Variants in PIK3C2A observed in about 807,000 individuals in gnomAD.
The protein encoded by PIK3C2A is phosphatidylinositol-4-phosphate 3-kinase catalytic subunit type 2 alpha.
In PIK3C2A, 97 loss-of-function variants were observed where a neutral mutation model predicts 204.5. The ratio of observed to expected loss-of-function variants is 0.47; its 90% CI spans 0.40 to 0.56. The LOEUF (loss-of-function observed/expected upper bound fraction) is 0.56, where lower values mean the gene tolerates loss of function less well. Ranked by LOEUF, PIK3C2A falls within the 20% of genes least tolerant of loss-of-function variation. PIK3C2A has a pLI of 0.00. For synonymous variants in PIK3C2A, 653 were observed against 664.4 expected, an observed-to-expected ratio of 0.98 and a Z score of 0.26; for missense variants, 1,735 against 1,969.2, an observed-to-expected ratio of 0.88 and a Z score of 2.25.
intron 22 of PIK3C2A, among the ~76,000 whole-genome samples, chr11:17,106,189 A>G (rs1352769518): frequency 6.6e-6 from 1 of 151,802 alleles, no homozygotes; most frequent in Non-Finnish European, 1.5e-5. Flanking sequence ...AGGTGGGTGG[A>G]TCACTTGAGC....
chr11:17,110,422 A>C lies in PIK3C2A; in HGVS notation c.3544+10T>G, dbSNP rs765348278. On this transcript the variant is annotated intron_variant, in intron 22 of 32. Transcript: ENST00000691414. ...AAAATAAGACATCAAGACACAGCTA[A>C]TAAACTTACCTCGATCTCTGCCAGT... 1 of 1,606,004 alleles carries C rather than the reference A, an allele frequency of 6.2e-7. No homozygotes were observed. The highest frequency in any genetic ancestry group is 1.3e-5 in the African/African-American group (1 of 74,704).
intron 1 of PIK3C2A, among the ~76,000 whole-genome samples, chr11:17,174,203 G>A (rs911313415): frequency 4.6e-5 from 7 of 152,142 alleles, no homozygotes; most frequent in Non-Finnish European, 1.0e-4. Flanking sequence ...ACAAGAGTAT[G>A]GATATATGGT....
chr11:17,145,264 T>G lies in PIK3C2A; in HGVS notation c.1704+404A>C, dbSNP rs905664069. ...CACAATGATGTGGTTTGGCTCTATG[T>G]CCCCCCCAAATCTCACCTTGAAATG... On this transcript the variant is annotated intron_variant, in intron 8 of 32. Coordinates refer to ENST00000691414, the MANE Select transcript of PIK3C2A (RefSeq NM_002645.4). 1.1e-4 allele frequency among the ~76,000 whole-genome samples: 16 copies of G among 152,002 alleles called. No individual in the cohort carries two copies. The East Asian group carries it at 3.1e-3, about 29-fold the overall frequency.
chr11:17,197,298 G>A (rs886173754), intron 1 of PIK3C2A, among the ~76,000 whole-genome samples: 2 of 152,086 alleles, frequency 1.3e-5, no homozygotes, highest in South Asian at 2.1e-4. Context: ...GGGACTACAG[G>A]CATGAGCCAC....
At position 17,105,219 on chromosome 11, in the gene PIK3C2A, G is replaced by T. The variant is rs1283010590; in HGVS notation, c.3631C>A (p.Leu1211Ile). ...TTGTATTTCCTTAGCCACTCTGCAA[G>T]TGGTTTATCTTTAAAGGATCCTGTC... ...GVTGSFKDKPLAEWLRKYNPS... is the reference protein window; with the variant it reads ...GVTGSFKDKPIAEWLRKYNPS... Residue 1211 changes from leucine (L) to isoleucine (I), a missense_variant, in exon 23 of 33, where the codon CTT (leucine) becomes ATT (isoleucine). Leu to Ile is a conservative substitution (Grantham distance 5). This residue lies in a region of PIK3C2A where 503 missense variants were observed against 669.0 expected (regional missense o/e 0.75). Coordinates refer to ENST00000691414, the MANE Select transcript of PIK3C2A (RefSeq NM_002645.4). 6.2e-7 allele frequency: 1 copy of T among 1,611,396 alleles called. No individual in the cohort carries two copies. The highest frequency in any genetic ancestry group is 8.5e-7 in the Non-Finnish European group (1 of 1,177,706).
At chr11:17,207,281 T>C (rs1852614228) in intron 1 of PIK3C2A, among the ~76,000 whole-genome samples, 1 of 152,128 alleles carries the variant, frequency 6.6e-6, no homozygotes, top group African/African-American at 2.4e-5. Flanking sequence ...GAAAGAATAG[T>C]GTTCCCAAAG....
At chr11:17,125,225 A>G (rs1191427371) in intron 13 of PIK3C2A, among the ~76,000 whole-genome samples, 2 of 152,216 alleles carry the variant, frequency 1.3e-5, no homozygotes, top group Non-Finnish European at 1.5e-5. Context: ...TGCTTACATC[A>G]ATGGTTCTCA....
chr11:17,092,138 C>G (rs1848329242), intron 29 of PIK3C2A, 21 bp downstream of exon 29: 1 of 1,483,296 alleles, frequency 6.7e-7, no homozygotes, highest in Non-Finnish European at 9.4e-7. Flanking sequence ...GATGTTATTA[C>G]TTCTCATTTA....
intron 27 of PIK3C2A, among the ~76,000 whole-genome samples, chr11:17,096,142 G>A (rs1047592213): frequency 1.3e-5 from 2 of 151,570 alleles, no homozygotes; most frequent in Non-Finnish European, 2.9e-5. Context: ...GGGTTCAAGC[G>A]ATTCTCCTGC....
intron 8 of PIK3C2A, among the ~76,000 whole-genome samples, chr11:17,142,804 A>G (rs900803974): frequency 6.6e-6 from 1 of 152,194 alleles, no homozygotes; most frequent in Non-Finnish European, 1.5e-5. Context: ...GACCTTAATA[A>G]GTACAGTTTC....
At position 17,145,879 on chromosome 11, in the gene PIK3C2A, T is replaced by C; in HGVS notation, c.1624A>G (p.Lys542Glu). The change falls in exon 7 of 33, where the codon AAA becomes GAA. Residue 542 changes from lysine (K) to glutamate (E), a missense_variant. By Grantham distance (56) the Lys-to-Glu change is moderately conservative (BLOSUM62 1). Around this residue, in one of 6 missense-constraint regions of PIK3C2A, gnomAD observed 106 missense variants for 108.2 expected, o/e 0.98. Coordinates refer to ENST00000691414, the MANE Select transcript of PIK3C2A (RefSeq NM_002645.4). The stretch of plus-strand genomic sequence containing the variant: ...ATGATATACCTCGTCATGGCTTCTT[T>C]GCAAGGTTTTTCTATTTGATACAGG... ...KHLYQIEKPCKEAMTRHPVEE... is the reference protein window; with the variant it reads ...KHLYQIEKPCEEAMTRHPVEE... 1 of 1,613,632 alleles carries C rather than the reference T, an allele frequency of 6.2e-7. No individual in the cohort carries two copies. The highest frequency in any genetic ancestry group is 2.2e-5 in the East Asian group (1 of 44,802).
intron 1 of PIK3C2A, among the ~76,000 whole-genome samples, chr11:17,190,280 T>C (rs1419909537): frequency 6.7e-6 from 1 of 149,604 alleles, no homozygotes; most frequent in Non-Finnish European, 1.5e-5. Flanking sequence ...ATAGTAACTT[T>C]AAAATAATTA....
chr11:17,171,988 G>C (rs188296865), intron 1 of PIK3C2A, among the ~76,000 whole-genome samples: 101 of 152,312 alleles, frequency 6.6e-4, no homozygotes, highest in Non-Finnish European at 9.1e-4. Flanking sequence ...GACAGGTATA[G>C]AAAAATGTTA....
chr11:17,090,864 C>T (rs1398357875), intron 32 of PIK3C2A, among the ~76,000 whole-genome samples: 4 of 151,712 alleles, frequency 2.6e-5, no homozygotes, highest in Non-Finnish European at 5.9e-5. Context: ...CTCAGCCTCC[C>T]GAGGAGCTGG....
rs557398982 is a variant in PIK3C2A at position 17,105,452 on chromosome 11, A to G, written c.3545-147T>C. ...GTGCAAGTTTGTTACATAGGTATAC[A>G]TGTGCCATGGTGGTTTGCTACACCT... On this transcript the variant is annotated intron_variant, in intron 22 of 32. Coordinates refer to ENST00000691414, the MANE Select transcript of PIK3C2A (RefSeq NM_002645.4). The G allele has an allele frequency of 3.1e-5, 20 of 644,264 alleles. No homozygotes were observed. In the South Asian group the frequency reaches 4.0e-4, roughly 13 times the overall value. The allele number at this position is 644,264 out of a possible 1,614,324, so 39.9% of individuals were successfully genotyped here.
At chr11:17,186,073 C>A (rs529129467) in intron 1 of PIK3C2A, among the ~76,000 whole-genome samples, 1 of 152,178 alleles carries the variant, frequency 6.6e-6, no homozygotes, top group Non-Finnish European at 1.5e-5. Context: ...TCACACTGGC[C>A]CCCTTGTTGT....
chr11:17,100,263 A>AGGGGG (rs1848587928), intron 25 of PIK3C2A, among the ~76,000 whole-genome samples: 6 of 42,902 alleles, frequency 1.4e-4, no homozygotes, highest in Admixed American at 4.8e-4. Context: ...GGGGGGGGGC[A>AGGGGG]GGGAGCCGGG....
intron 18 of PIK3C2A, 46 bp from the exon 19 acceptor site, chr11:17,117,717 T>TG (rs754436674): frequency 8.5e-7 from 1 of 1,180,914 alleles, no homozygotes; most frequent in Non-Finnish European, 1.2e-6. Context: ...GGTTTTTTTT[T>TG]TTTTTTTTTT....
chr11:17,178,713 AT>A (rs569882194), intron 1 of PIK3C2A, among the ~76,000 whole-genome samples: 240 of 9,818 alleles, frequency 0.024, 65 homozygotes, highest in African/African-American at 0.027. Context: ...TGATTTTTGA[AT>A]TTTTTTTTTT....
Sources: gnomAD v4.1 joint callset for allele counts (sites outside exome capture counted in the v4.1 genomes callset) on GRCh38, gnomAD v4.1.1 for gene constraint, gnomAD v4.1.1 regional missense constraint, MANE v1.5 for transcripts, NCBI Gene and HGNC (gene_info 2026-07-23, HGNC 2026-07-21) for gene names.